NELFA: variants seen among roughly 807,000 people sequenced by gnomAD.
NELFA encodes negative elongation factor A.
In NELFA, 35 loss-of-function variants were observed where a neutral mutation model predicts 51.8. The observed-to-expected ratio is 0.68, with a 90% CI of 0.52 to 0.90. The LOEUF (loss-of-function observed/expected upper bound fraction) is 0.90, where lower values mean the gene tolerates loss of function less well. NELFA is among the 40% of genes least tolerant of loss of function. The pLI is 0.00. For missense variants in NELFA, 658 were observed against 746.4 expected (o/e 0.88, Z 1.38); for synonymous variants, 417 against 338.4 (o/e 1.23, Z -2.55).
chr4:1,991,709 C>T lies in NELFA; in HGVS notation c.217G>A (p.Gly73Ser). 1.3e-6 allele frequency: 2 copies of T among 1,594,286 alleles called. No homozygotes were observed. The highest frequency in any genetic ancestry group is 1.7e-6 in the Non-Finnish European group (2 of 1,171,606). The change falls in exon 2 of 11, where the codon GGC becomes AGC. Residue 73 changes from glycine (G) to serine (S), a missense_variant. Around this residue, in one of 3 missense-constraint regions of NELFA, gnomAD observed 371 missense variants for 448.3 expected, o/e 0.83. Transcript: ENST00000382882. ...AGCTGGATGATCTCCATTAGGGCGC[C>T]CTTCATCTGCAAAATAGGATGCTGC... The part of the protein sequence containing the change: ...LPRRTVDEMK[G>S]ALMEIIQLAS...
Position 1,988,015 on chromosome 4 carries a change from G to T in NELFA, c.545-8C>A. On this transcript the variant is annotated splice_polypyrimidine_tract_variant and splice_region_variant and intron_variant, in intron 3 of 10. Coordinates refer to ENST00000382882, the MANE Select transcript of NELFA (RefSeq NM_005663.5). Reference sequence around the variant, plus strand: ...GCTGGGCGGTCTCCGTGGCTGGAAGGAAGAGGTCACATATGTCAGGGATCC... The same window carrying T: ...GCTGGGCGGTCTCCGTGGCTGGAAGTAAGAGGTCACATATGTCAGGGATCC... 1 of 1,608,178 alleles carries T rather than the reference G, an allele frequency of 6.2e-7. No individual in the cohort carries two copies.
At chr4:2,003,671 T>C (rs1157997657) in intron 1 of NELFA, among the ~76,000 whole-genome samples, 2 of 151,966 alleles carry the variant, frequency 1.3e-5, no homozygotes, top group South Asian at 2.1e-4. Flanking sequence ...AAGTGGCAGG[T>C]AGTTGAACAC....
At chr4:1,998,677 T>G (rs562513541) in intron 1 of NELFA, among the ~76,000 whole-genome samples, 2 of 152,190 alleles carry the variant, frequency 1.3e-5, no homozygotes, top group Admixed American at 1.3e-4. Context: ...TACTACTGAC[T>G]GGAGTACCAG....
intron 4 of NELFA, 130 bp downstream of exon 4, chr4:1,987,788 A>G (rs1162298088): frequency 2.6e-6 from 2 of 776,070 alleles, no homozygotes; most frequent in Admixed American, 6.4e-5. Flanking sequence ...TCGCTTTCCC[A>G]CGGGCTCCCA....
At chr4:1,994,880 A>G (rs1199169300) in intron 1 of NELFA, among the ~76,000 whole-genome samples, 1 of 152,062 alleles carries the variant, frequency 6.6e-6, no homozygotes, top group Non-Finnish European at 1.5e-5. Flanking sequence ...AAATAAAAAG[A>G]CACATTACAA....
At chr4:1,996,789 G>A (rs1197024811) in intron 1 of NELFA, among the ~76,000 whole-genome samples, 1 of 152,194 alleles carries the variant, frequency 6.6e-6, no homozygotes, top group South Asian at 2.1e-4. Context: ...AAAATTAGCC[G>A]GGAATGGTGG....
chr4:2,002,706 T>C lies in NELFA; in HGVS notation c.210+6044A>G, dbSNP rs191660489. 2.0e-5 allele frequency among the ~76,000 whole-genome samples: 3 copies of C among 152,274 alleles called. No homozygotes were observed. In the East Asian group the frequency reaches 5.8e-4, roughly 29 times the overall value. On this transcript the variant is annotated intron_variant, in intron 1 of 10. Coordinates refer to ENST00000382882, the MANE Select transcript of NELFA (RefSeq NM_005663.5). The stretch of plus-strand genomic sequence containing the variant: ...TGTAGAAAACTGAAACTGGACCTCT[T>C]CCTTACACCTCATACAAAAATTAAC...
In NELFA at chr4:1,984,607, C is replaced by T. The variant is rs560137954; in HGVS notation, c.1036+201G>A. ...GCTGCCTGTCTGTGCCCAGGACGGG[C>T]AGGGTGGGGCAAAGCAGCTGGTTTA... On this transcript the variant is annotated intron_variant, in intron 8 of 10. Coordinates refer to ENST00000382882, the MANE Select transcript of NELFA (RefSeq NM_005663.5). Among the ~76,000 whole-genome samples the T allele has an allele frequency of 5.9e-5, 9 of 152,358 alleles. No homozygotes were observed. In the South Asian group the frequency reaches 1.7e-3, roughly 28 times the overall value.
In NELFA at chr4:1,985,851, C is replaced by G. The variant is rs561404378; in HGVS notation, c.849G>C (p.Val283=). The G allele has an allele frequency of 9.3e-6, 15 of 1,613,018 alleles. No homozygotes were observed. The highest frequency in any genetic ancestry group is 6.7e-5 in the Admixed American group (4 of 59,930). Reference sequence around the variant, plus strand: ...CCGTTTCCTCCTTGGCCGGCTTCTCCACCACCTCCGCATCTGTGGACAAAA... The same window carrying G: ...CCGTTTCCTCCTTGGCCGGCTTCTCGACCACCTCCGCATCTGTGGACAAAA... ...RRRKTLDAEV[V]EKPAKEETVV... is the part of the protein sequence containing the mutation. Residue 283 remains valine, a synonymous_variant, in exon 7 of 11, where the codon GTG becomes GTC. Coordinates refer to ENST00000382882, the MANE Select transcript of NELFA (RefSeq NM_005663.5).
At chr4:2,002,548 GAGA>G (rs978388287) in intron 1 of NELFA, among the ~76,000 whole-genome samples, 4 of 152,240 alleles carry the variant, frequency 2.6e-5, no homozygotes, top group African/African-American at 9.6e-5. Context: ...CAGACCAATG[GAGA>G]AGAACAGGGA....
rs775048821 is a variant in NELFA at position 1,986,193 on chromosome 4, C to A, written c.766-10G>T. The A allele has an allele frequency of 1.4e-4, 221 of 1,560,078 alleles. No homozygotes were observed. The highest frequency in any genetic ancestry group is 1.8e-4 in the Non-Finnish European group (209 of 1,151,914). On this transcript the variant is annotated splice_polypyrimidine_tract_variant and intron_variant, in intron 5 of 10. Coordinates refer to ENST00000382882, the MANE Select transcript of NELFA (RefSeq NM_005663.5). ...CAGAGATGTCCAGCAGCTGCCAAGA[C>A]AAGCACAGCCCTGCCTTAGTGACGG...
chr4:1,989,990 G>T lies in NELFA; in HGVS notation c.383-121C>A. The T allele has an allele frequency of 8.2e-7, 1 of 1,220,418 alleles. No individual in the cohort carries two copies. 75.6% of individuals were successfully genotyped at this position (1,220,418 alleles called of 1,614,324 possible). A position where few individuals can be genotyped will look rare whatever the true frequency, so the allele number is the denominator to read the frequency against. ...TTAGGGTTAGGTCATGGGAGCTTCG[G>T]CTGTCCCCTGAGGTCCTCGAGACTG... On this transcript the variant is annotated intron_variant, in intron 2 of 10. Transcript: ENST00000382882. The surrounding 1 kb of genome is among the most constrained non-coding windows in gnomAD (Gnocchi z 4.8).
In NELFA at chr4:1,984,023, A is replaced by G. The variant is rs988452166; in HGVS notation, c.1127T>C (p.Met376Thr). ...LPAQFKQRAP[M>T]YNSGLSPATP... ...GGCAGGGCTCAGGCCGCTGTTGTAC[A>G]TGGGCGCCCGCTGCTTGAACTGCGC... Residue 376 changes from methionine (M) to threonine (T), a missense_variant, in exon 9 of 11, where the codon ATG becomes ACG. By Grantham distance (81) the Met-to-Thr change is moderately conservative. This residue lies in a region of NELFA where 200 missense variants were observed against 167.9 expected (regional missense o/e 1.19). Transcript: ENST00000382882. The G allele has an allele frequency of 3.1e-6, 5 of 1,607,836 alleles. No individual in the cohort carries two copies. Among genetic ancestry groups the G allele is most frequent in the Non-Finnish European group, 4.2e-6 (5 of 1,179,460 alleles).
intron 1 of NELFA, among the ~76,000 whole-genome samples, chr4:2,003,004 C>G (rs1472308328): frequency 6.6e-6 from 1 of 152,120 alleles, no homozygotes; most frequent in Non-Finnish European, 1.5e-5. Flanking sequence ...GGCTAATATC[C>G]AGCATTTACA....
chr4:1,985,596 A>G (rs1171451048), intron 7 of NELFA, among the ~76,000 whole-genome samples, 180 bp downstream of exon 7: 3 of 152,326 alleles, frequency 2.0e-5, no homozygotes, highest in African/African-American at 4.8e-5. Context: ...TCAGATGCCC[A>G]TGTCAGGGCA....
At position 1,991,639 on chromosome 4, in the gene NELFA, A is replaced by G; in HGVS notation, c.287T>C (p.Ile96Thr). 6.2e-7 allele frequency: 1 copy of G among 1,614,002 alleles called. No homozygotes were observed. The highest frequency in any genetic ancestry group is 1.1e-5 in the South Asian group (1 of 91,056). The change falls in exon 2 of 11, where the codon ATC (isoleucine) becomes ACC (threonine). Residue 96 changes from isoleucine (I) to threonine (T), a missense_variant. Physicochemically the swap from Ile to Thr is moderately conservative, Grantham distance 89. Coordinates refer to ENST00000382882, the MANE Select transcript of NELFA (RefSeq NM_005663.5). ...GCCTGTGTCCGGAAAGGACTTCAAG[A>G]TGTCGGCGACCATGAGCACCCAGGG... Reference protein sequence around the residue: ...SDPWVLMVADILKSFPDTGSL... With the variant: ...SDPWVLMVADTLKSFPDTGSL...
At position 1,989,778 on chromosome 4, in the gene NELFA, G is replaced by A. The variant is rs1728218144; in HGVS notation, c.474C>T (p.Pro158=). The change falls in exon 3 of 11, where the codon CCC becomes CCT. Residue 158 remains proline (P), a synonymous_variant. Coordinates refer to ENST00000382882, the MANE Select transcript of NELFA (RefSeq NM_005663.5). This position sits in a 1 kb window ranked among gnomAD's most constrained non-coding sequence, Gnocchi z 4.8. ...ALTTLAGPLT[P]PVKHFQLKRK... ...GCTTTAACTGAAAATGCTTCACCGG[G>A]GGAGTGAGGGGTCCCGCGAGGGTCG... 2 of 1,614,186 alleles carry A rather than the reference G, an allele frequency of 1.2e-6. No individual in the cohort carries two copies. The highest frequency in any genetic ancestry group is 8.5e-7 in the Non-Finnish European group (1 of 1,180,036).
At chr4:1,991,286 G>A (rs911419012) in intron 2 of NELFA, among the ~76,000 whole-genome samples, 1 of 152,188 alleles carries the variant, frequency 6.6e-6, no homozygotes, top group Non-Finnish European at 1.5e-5. Flanking sequence ...GAGAGACGGC[G>A]AGTGGCGTGA....
At chr4:2,004,350 T>G (rs1383406639) in intron 1 of NELFA, among the ~76,000 whole-genome samples, 3 of 152,038 alleles carry the variant, frequency 2.0e-5, no homozygotes, top group Non-Finnish European at 4.4e-5. Flanking sequence ...TGCTAATGAG[T>G]GTAGGATTTA....
Sources: gnomAD v4.1 joint callset for allele counts (sites outside exome capture counted in the v4.1 genomes callset) on GRCh38, gnomAD v4.1.1 for gene constraint, gnomAD v4.1.1 regional missense constraint, Gnocchi (gnomAD v3.1) non-coding constraint, MANE v1.5 for transcripts, NCBI Gene and HGNC (gene_info 2026-07-23, HGNC 2026-07-21) for gene names.